Variants in CCNY observed in about 807,000 individuals in gnomAD.
CCNY encodes cyclin Y.
Under a neutral mutation model 42.8 loss-of-function variants are expected in CCNY, and 19 were observed. The ratio of observed to expected loss-of-function variants is 0.44; its 90% CI spans 0.31 to 0.65. The LOEUF (loss-of-function observed/expected upper bound fraction) is 0.65, where lower values mean the gene tolerates loss of function less well. Ranked by LOEUF, CCNY falls within the 30% of genes least tolerant of loss-of-function variation. The pLI is 0.07. For missense variants in CCNY, 370 were observed against 437.3 expected (o/e 0.85, Z 1.37); for synonymous variants, 165 against 162.7 (o/e 1.01, Z -0.11).
At chr10:35,510,206 C>A (rs1479844066) in intron 3 of CCNY, among the ~76,000 whole-genome samples, 1 of 151,912 alleles carries the variant, frequency 6.6e-6, no homozygotes, top group Non-Finnish European at 1.5e-5. Flanking sequence ...AATAATAATA[C>A]TTCATTTTAT....
chr10:35,379,125 G>C (rs1261365779), intron 1 of CCNY, among the ~76,000 whole-genome samples: 1 of 152,186 alleles, frequency 6.6e-6, no homozygotes, highest in African/African-American at 2.4e-5. Flanking sequence ...GAGACCTCAC[G>C]ATGTACCAAG....
At chr10:35,426,930 GAGA>G (rs1308267805) in intron 1 of CCNY, among the ~76,000 whole-genome samples, 1 of 152,206 alleles carries the variant, frequency 6.6e-6, no homozygotes, top group East Asian at 1.9e-4. Flanking sequence ...GAATTATAAT[GAGA>G]AGAAGCCTTT....
intron 1 of CCNY, among the ~76,000 whole-genome samples, chr10:35,478,470 T>C (rs1018085100): frequency 2.6e-5 from 4 of 151,628 alleles, no homozygotes; most frequent in African/African-American, 9.7e-5. Context: ...AACAGAGCCC[T>C]CAGAAATAAC....
intron 1 of CCNY, among the ~76,000 whole-genome samples, chr10:35,443,403 G>A (rs745706916): frequency 7.9e-5 from 12 of 151,982 alleles, no homozygotes; most frequent in Non-Finnish European, 1.8e-4. Context: ...TCCATACTCT[G>A]TATGCTGTTT....
chr10:35,352,391 A>G (rs955856466), intron 1 of CCNY, among the ~76,000 whole-genome samples: 3 of 152,188 alleles, frequency 2.0e-5, no homozygotes, highest in African/African-American at 7.2e-5. Flanking sequence ...TGGAGAGAAA[A>G]CAGAATTAAC....
intron 7 of CCNY, among the ~76,000 whole-genome samples, chr10:35,536,424 T>C (rs1288035967): frequency 1.3e-5 from 2 of 152,172 alleles, no homozygotes; most frequent in Non-Finnish European, 2.9e-5. Flanking sequence ...GCTGAAAAGA[T>C]ACCCAAAAAT....
intron 2 of CCNY, chr10:35,248,263 G>A (rs1406518441): frequency 6.6e-6 from 1 of 152,342 alleles, no homozygotes; most frequent in Non-Finnish European, 1.5e-5. Context: ...TCCCTTCCTA[G>A]AAAAACCTTT....
chr10:35,405,366 A>C (rs1189423252), intron 1 of CCNY, among the ~76,000 whole-genome samples: 1 of 152,098 alleles, frequency 6.6e-6, no homozygotes, highest in Non-Finnish European at 1.5e-5. Context: ...TGGACTAAGA[A>C]GGGGAGATAC....
intron 3 of CCNY, among the ~76,000 whole-genome samples, chr10:35,320,538 C>T (rs1205720775): frequency 6.6e-6 from 1 of 152,188 alleles, no homozygotes; most frequent in Non-Finnish European, 1.5e-5. Context: ...CAACTGAATG[C>T]TTTCTCCTCA....
chr10:35,480,534 C>G (rs1248247295), intron 1 of CCNY, among the ~76,000 whole-genome samples: 1 of 152,202 alleles, frequency 6.6e-6, no homozygotes, highest in African/African-American at 2.4e-5. Context: ...CTTGGTGACT[C>G]TGTGTGAATC....
chr10:35,534,365 C>T (rs1444834424), intron 7 of CCNY, among the ~76,000 whole-genome samples: 3 of 152,154 alleles, frequency 2.0e-5, no homozygotes, highest in East Asian at 1.9e-4. Context: ...TCGTCAACTT[C>T]GGGGACATCA....
intron 2 of CCNY, among the ~76,000 whole-genome samples, chr10:35,249,082 GC>G (rs1565051170): frequency 3.3e-5 from 5 of 151,986 alleles, no homozygotes. Flanking sequence ...ACAGGTGCAT[GC>G]CACCACTCCT....
At chr10:35,534,449 G>A (rs926053911) in intron 7 of CCNY, among the ~76,000 whole-genome samples, 3 of 152,212 alleles carry the variant, frequency 2.0e-5, no homozygotes, top group Non-Finnish European at 2.9e-5. Flanking sequence ...GGGAGAGGGA[G>A]AAAGAGAGGA....
chr10:35,298,833 GT>G (rs1274815544), intron 3 of CCNY, among the ~76,000 whole-genome samples: 2 of 151,932 alleles, frequency 1.3e-5, no homozygotes, highest in South Asian at 4.1e-4. Flanking sequence ...TGTTGTTGTT[GT>G]TTTTTTGTAA....
At chr10:35,439,925 A>C (rs1459598182) in intron 1 of CCNY, among the ~76,000 whole-genome samples, 1 of 151,998 alleles carries the variant, frequency 6.6e-6, no homozygotes, top group Non-Finnish European at 1.5e-5. Flanking sequence ...TCACTTCTCC[A>C]TGTTGTTTTC....
intron 1 of CCNY, among the ~76,000 whole-genome samples, chr10:35,388,534 G>C (rs903835090): frequency 2.6e-5 from 4 of 152,168 alleles, no homozygotes; most frequent in Non-Finnish European, 4.4e-5. Flanking sequence ...CCCAGCTTTA[G>C]GTTTAATGAG....
At chr10:35,371,059 G>A (rs898828896) in intron 1 of CCNY, among the ~76,000 whole-genome samples, 9 of 152,178 alleles carry the variant, frequency 5.9e-5, no homozygotes, top group Admixed American at 4.6e-4. Context: ...TGTCTGTTAG[G>A]TTATTTTACT....
At chr10:35,549,355 T>C (rs1401630781) in intron 7 of CCNY, among the ~76,000 whole-genome samples, 1 of 152,152 alleles carries the variant, frequency 6.6e-6, no homozygotes, top group Non-Finnish European at 1.5e-5. Context: ...TATGTGACCC[T>C]GTGCTGCTCA....
At chr10:35,496,105 A>G (rs1209484962) in intron 2 of CCNY, among the ~76,000 whole-genome samples, 1 of 152,248 alleles carries the variant, frequency 6.6e-6, no homozygotes, top group Non-Finnish European at 1.5e-5. Flanking sequence ...TATCTCAGCA[A>G]TCAGCTTCGT....
Sources: gnomAD v4.1 joint callset for allele counts (sites outside exome capture counted in the v4.1 genomes callset) on GRCh38, gnomAD v4.1.1 for gene constraint, MANE v1.5 for transcripts, NCBI Gene and HGNC (gene_info 2026-07-23, HGNC 2026-07-21) for gene names.